ESR1: variants seen among roughly 807,000 people sequenced by gnomAD.
The protein encoded by ESR1 is estrogen receptor 1.
In ESR1, 12 loss-of-function variants were observed where a neutral mutation model predicts 52.7. That is an observed-to-expected ratio of 0.23 (90% CI 0.15 to 0.37). The LOEUF is 0.37. Among genes scored for constraint, ESR1 ranks in the 10% least tolerant of loss-of-function variants. The probability of loss-of-function intolerance (pLI) is 1.00; values close to 1 mark genes in which losing one functional copy is unlikely to be tolerated. For missense variants in ESR1, 584 were observed against 779.7 expected (o/e 0.75, Z 2.99); for synonymous variants, 305 against 316.8 (o/e 0.96, Z 0.39).
At chr6:151,678,505 C>T (rs536398585) in intron 1 of ESR1, among the ~76,000 whole-genome samples, 4 of 151,806 alleles carry the variant, frequency 2.6e-5, no homozygotes, top group African/African-American at 9.7e-5. Flanking sequence ...GCCTGAGTCT[C>T]TCCCCAAAAA....
intron 3 of ESR1, among the ~76,000 whole-genome samples, chr6:151,887,326 ATTATT>A (rs1364912330): frequency 6.6e-6 from 1 of 151,990 alleles, no homozygotes; most frequent in African/African-American, 2.4e-5. Flanking sequence ...TATTGAAACT[ATTATT>A]TTATTAATTC....
At chr6:152,077,438 C>A (rs1379930543) in intron 6 of ESR1, among the ~76,000 whole-genome samples, 5 of 152,208 alleles carry the variant, frequency 3.3e-5, no homozygotes, top group Admixed American at 6.5e-5. Context: ...GGAACCCCCA[C>A]ACAGAGTCCC....
intron 6 of ESR1, chr6:152,121,732 A>G (rs1429831383): frequency 6.6e-6 from 1 of 152,286 alleles, no homozygotes; most frequent in East Asian, 1.9e-4. Flanking sequence ...AATACAAACA[A>G]AACTTGGCTT....
At chr6:151,819,157 T>A (rs1244511993) in intron 1 of ESR1, among the ~76,000 whole-genome samples, 1 of 152,224 alleles carries the variant, frequency 6.6e-6, no homozygotes, top group Non-Finnish European at 1.5e-5. Context: ...GCTCAAATGC[T>A]ATCCCTATCA....
intron 5 of ESR1, among the ~76,000 whole-genome samples, chr6:152,023,987 A>C (rs2043914510): frequency 6.6e-6 from 1 of 152,176 alleles, no homozygotes; most frequent in South Asian, 2.1e-4. Context: ...TTATAATTGC[A>C]TTCACTTATA....
chr6:152,033,667 G>T (rs1243703994), intron 5 of ESR1, among the ~76,000 whole-genome samples: 3 of 152,214 alleles, frequency 2.0e-5, no homozygotes, highest in African/African-American at 7.2e-5. Context: ...AGGATGTGGA[G>T]AAATAGGAAG....
intron 4 of ESR1, among the ~76,000 whole-genome samples, chr6:151,964,408 C>G (rs1319540036): frequency 6.6e-6 from 1 of 151,934 alleles, no homozygotes; most frequent in Admixed American, 6.6e-5. Flanking sequence ...GAATTTACCC[C>G]AAGTATTTTG....
intron 4 of ESR1, among the ~76,000 whole-genome samples, chr6:152,002,185 AGTGTGTGTGTGT>A (rs10578838): frequency 1.9e-4 from 27 of 141,494 alleles, no homozygotes; most frequent in Admixed American, 8.5e-4. Context: ...TTTTAAATCA[AGTGTGTGTGTGT>A]GTGTGTGTGT....
Position 152,120,189 on chromosome 6 carries a change from T to C in ESR1, c.851-5077T>C, listed in dbSNP as rs370529433. ...CTCTTTGCGCTTGCCTTTTCCACGA[T>C]GACACTCTTCATTGTGTGGGATTTC... On this transcript the variant is annotated intron_variant, in intron 6 of 6. Transcript: ENST00000427531. Among the ~76,000 whole-genome samples, 38 of 152,352 alleles carry C rather than the reference T, an allele frequency of 2.5e-4. No individual in the cohort carries two copies. In the East Asian group the frequency reaches 6.0e-3, roughly 24 times the overall value.
At chr6:151,746,532 A>G (rs1783495657) in intron 2 of ESR1, among the ~76,000 whole-genome samples, 1 of 152,250 alleles carries the variant, frequency 6.6e-6, no homozygotes, top group Admixed American at 6.5e-5. Context: ...GGGAAAAGGC[A>G]TCAATCAAAG....
chr6:152,066,311 T>A (rs1172799465), intron 6 of ESR1, among the ~76,000 whole-genome samples: 1 of 152,250 alleles, frequency 6.6e-6, no homozygotes, highest in Non-Finnish European at 1.5e-5. Flanking sequence ...AGACAATTAC[T>A]CAGATTGTTT....
intron 3 of ESR1, among the ~76,000 whole-genome samples, chr6:151,885,105 C>T (rs1359331853): frequency 2.0e-5 from 3 of 151,996 alleles, no homozygotes; most frequent in Non-Finnish European, 1.5e-5. Context: ...TATTTTTTTG[C>T]ACTAATTAAT....
rs541503344 is a variant in ESR1 at position 152,023,946 on chromosome 6, G to A, written c.1235+12152G>A. ...TACTGGAACACTGTCACATATGTTG[G>A]GGTCATAGAAAGAGTTTCCGTGTCC... On this transcript the variant is annotated intron_variant, in intron 5 of 7. Transcript: ENST00000206249. Among the ~76,000 whole-genome samples the A allele has an allele frequency of 7.2e-5, 11 of 152,076 alleles. 1 individual carries two copies. The South Asian group carries it at 2.3e-3, about 32-fold the overall frequency.
chr6:152,024,411 A>G (rs906274577), intron 5 of ESR1, among the ~76,000 whole-genome samples: 4 of 151,970 alleles, frequency 2.6e-5, no homozygotes, highest in Non-Finnish European at 5.9e-5. Flanking sequence ...TAATTCTATA[A>G]GTAAATTTAT....
chr6:152,047,917 G>A (rs1036234897), intron 5 of ESR1, among the ~76,000 whole-genome samples: 17 of 150,090 alleles, frequency 1.1e-4, no homozygotes, highest in Non-Finnish European at 2.5e-4. Context: ...CAGGGTTCCA[G>A]GATGTCAACC....
intron 2 of ESR1, among the ~76,000 whole-genome samples, chr6:151,759,916 C>G (rs942455371): frequency 4.6e-5 from 7 of 152,114 alleles, no homozygotes; most frequent in Non-Finnish European, 8.8e-5. Flanking sequence ...GTAATGGCAC[C>G]TGAAAGGGTT....
At chr6:151,862,883 A>AC (rs1789145708) in intron 2 of ESR1, among the ~76,000 whole-genome samples, 1 of 152,122 alleles carries the variant, frequency 6.6e-6, no homozygotes. Context: ...AAAGAAAAGA[A>AC]GATTGTAGAT....
rs146676301 is a variant in ESR1, at chr6:152,092,671, T to C, written c.1370-1714T>C. ...CACATAATCTGGAAAACAAAAATAC[T>C]GTCATCTCCTCCCTGCAAGGCGCTG... On this transcript the variant is annotated intron_variant, in intron 6 of 7. Coordinates refer to ENST00000206249, the MANE Select transcript of ESR1 (RefSeq NM_000125.4). Among the ~76,000 whole-genome samples the C allele has an allele frequency of 1.0e-2, 1,518 of 152,268 alleles. 32 individuals carry two copies. Among genetic ancestry groups the C allele is most frequent in the African/African-American group, 0.035 (1,440 of 41,550 alleles).
At chr6:151,870,859 T>TTC (rs1303171447) in intron 2 of ESR1, among the ~76,000 whole-genome samples, 3 of 140,780 alleles carry the variant, frequency 2.1e-5, no homozygotes, top group Admixed American at 2.1e-4. Flanking sequence ...CTTCTTCTTC[T>TTC]TTTTTTTTTT....
Sources: gnomAD v4.1 joint callset for allele counts (sites outside exome capture counted in the v4.1 genomes callset) on GRCh38, gnomAD v4.1.1 for gene constraint, MANE v1.5 for transcripts, NCBI Gene and HGNC (gene_info 2026-07-23, HGNC 2026-07-21) for gene names.